SRSF4: variants seen among roughly 807,000 people sequenced by gnomAD.
SRSF4 encodes the protein serine and arginine rich splicing factor 4.
SRSF4 carries 12 observed loss-of-function variants against 48.8 expected under a neutral mutation model. The observed-to-expected ratio is 0.25, with a 90% CI of 0.16 to 0.40. SRSF4 has a LOEUF of 0.40. SRSF4 is among the 10% of genes least tolerant of loss of function. The probability of loss-of-function intolerance (pLI) is 1.00; values close to 1 mark genes in which losing one functional copy is unlikely to be tolerated. For missense variants in SRSF4, 466 were observed against 667.1 expected, an observed-to-expected ratio of 0.70 and a Z score of 3.32; for synonymous variants, 248 against 232.5, an observed-to-expected ratio of 1.07 and a Z score of -0.61.
At chr1:29,181,011 G>T (rs975267613) in intron 1 of SRSF4, among the ~76,000 whole-genome samples, 3 of 152,220 alleles carry the variant, frequency 2.0e-5, no homozygotes, top group Non-Finnish European at 4.4e-5. Context: ...GAGTCTTAAA[G>T]ATAAGAAGTT....
intron 1 of SRSF4, chr1:29,169,611 A>G (rs1270173224): frequency 3.3e-5 from 5 of 152,242 alleles, no homozygotes; most frequent in East Asian, 1.9e-4. Flanking sequence ...TAAGAAACTT[A>G]TATCTCAGCA....
chr1:29,155,956 G>A (rs1672492957), intron 3 of SRSF4, among the ~76,000 whole-genome samples: 1 of 152,230 alleles, frequency 6.6e-6, no homozygotes, highest in Non-Finnish European at 1.5e-5. Context: ...AATAAGAGGA[G>A]ATATGATTAG....
intron 1 of SRSF4, among the ~76,000 whole-genome samples, chr1:29,177,720 A>C (rs1672891266): frequency 6.6e-6 from 1 of 152,148 alleles, no homozygotes; most frequent in Non-Finnish European, 1.5e-5. Context: ...TCTCTAGAAC[A>C]GTGGCAATCT....
rs3061128 is a variant in SRSF4 at position 29,178,353 on chromosome 1, C to CTTTTTTT, written c.107+3286_107+3292dup. ...AAAATCTGTTTCTGAGTTTCAATTA[C>CTTTTTTT]TTTTTTTTTTGAGACAGAGTCTCGC... On this transcript the variant is annotated intron_variant, in intron 1 of 5. Transcript: ENST00000373795. 1.3e-4 allele frequency among the ~76,000 whole-genome samples: 16 copies of CTTTTTTT among 127,906 alleles called. No homozygotes were observed. The South Asian group carries it at 2.5e-3, about 20-fold the overall frequency. 83.9% of individuals were successfully genotyped at this position (127,906 alleles called of 152,430 possible).
intron 1 of SRSF4, among the ~76,000 whole-genome samples, chr1:29,181,270 G>C (rs1363934568): frequency 2.6e-5 from 4 of 152,212 alleles, no homozygotes; most frequent in Non-Finnish European, 5.9e-5. Context: ...GTAGTCCTCA[G>C]AGCGGGAAAG....
chr1:29,164,320 T>C (rs1307418476), intron 1 of SRSF4, among the ~76,000 whole-genome samples: 1 of 152,248 alleles, frequency 6.6e-6, no homozygotes, highest in Non-Finnish European at 1.5e-5. Context: ...AATTAATTAG[T>C]GCCTTCAACA....
At position 29,148,240 on chromosome 1, in the gene SRSF4, T is replaced by G; in HGVS notation, c.*170A>C. On this transcript the variant is annotated 3_prime_UTR_variant, in exon 6 of 6. Transcript: ENST00000373795. ...TTTTCAGTCGAGCAGGAAGGCCTGG[T>G]GCCAGGAGGCTTTACTGAGAGGAAG... The G allele has an allele frequency of 4.1e-6, 4 of 976,648 alleles. No homozygotes were observed. The highest frequency in any genetic ancestry group is 6.3e-6 in the Non-Finnish European group (4 of 633,406). The allele number at this position is 976,648 out of a possible 1,614,324, so 60.5% of individuals were successfully genotyped here.
chr1:29,154,131 G>A (rs1035519475), intron 4 of SRSF4, among the ~76,000 whole-genome samples: 2 of 151,900 alleles, frequency 1.3e-5, no homozygotes, highest in Non-Finnish European at 2.9e-5. Flanking sequence ...TCGGCTCACT[G>A]CAACCTCTGC....
chr1:29,177,173 CAA>C (rs755966901), intron 1 of SRSF4, among the ~76,000 whole-genome samples: 4 of 151,490 alleles, frequency 2.6e-5, no homozygotes, highest in Non-Finnish European at 4.4e-5. Flanking sequence ...TCAAAGCCAA[CAA>C]AAGTTACCAC....
intron 4 of SRSF4, among the ~76,000 whole-genome samples, chr1:29,151,681 G>A (rs771983292): frequency 4.6e-5 from 7 of 152,166 alleles, no homozygotes; most frequent in Admixed American, 6.5e-5. Flanking sequence ...ACATGAATAT[G>A]GCCTGGGCAT....
At chr1:29,159,649 C>A in intron 2 of SRSF4, 163 bp from the exon 3 acceptor site, 2 of 445,598 alleles carry the variant, frequency 4.5e-6, no homozygotes, top group Non-Finnish European at 7.9e-6. Context: ...TTTAAAGAAG[C>A]AATCAGCTAA....
intron 1 of SRSF4, among the ~76,000 whole-genome samples, chr1:29,164,858 T>C (rs957993009): frequency 1.3e-5 from 2 of 152,224 alleles, no homozygotes; most frequent in Non-Finnish European, 2.9e-5. Context: ...AAGAAACTCC[T>C]TTCTTTAATG....
intron 2 of SRSF4, 173 bp downstream of exon 2, chr1:29,160,202 A>T: frequency 2.8e-6 from 2 of 702,498 alleles, no homozygotes; most frequent in Non-Finnish European, 2.2e-6. Flanking sequence ...GTTTAATTAA[A>T]ATTAAACATT....
Position 29,176,489 on chromosome 1 carries a change from T to TA in SRSF4, c.107+5156dup, listed in dbSNP as rs63562760. On this transcript the variant is annotated intron_variant, in intron 1 of 5. Transcript: ENST00000373795. ...TGGGAGAATTAAAAACTAAAAACTT[T>TA]AAAAAAAAAAAAAAGAAAAAAATAC... 6.5e-3 allele frequency among the ~76,000 whole-genome samples: 898 copies of TA among 137,582 alleles called. 5 individuals are homozygous for TA. Among genetic ancestry groups the TA allele is most frequent in the Middle Eastern group, 0.018 (5 of 278 alleles). 90.3% of individuals were successfully genotyped at this position (137,582 alleles called of 152,430 possible).
At chr1:29,162,696 C>T (rs988051100) in intron 1 of SRSF4, among the ~76,000 whole-genome samples, 1 of 152,178 alleles carries the variant, frequency 6.6e-6, no homozygotes, top group South Asian at 2.1e-4. Flanking sequence ...TACTCTGGCT[C>T]GGCACTGTTC....
intron 1 of SRSF4, chr1:29,170,928 G>C (rs1401711108): frequency 6.6e-5 from 10 of 152,138 alleles, no homozygotes; most frequent in Non-Finnish European, 1.2e-4. Flanking sequence ...CGCTTCTTCA[G>C]ACATTGCGTG....
rs1672409627 is a variant in SRSF4, at chr1:29,151,673, A to G, written c.579-1481T>C. ...ACATCCATGGAGTAACTGGGGAAAC[A>G]TGAATATGGCCTGGGCATTTAGTAA... On this transcript the variant is annotated intron_variant, in intron 4 of 5. Transcript: ENST00000373795. Among the ~76,000 whole-genome samples, 3 of 152,232 alleles carry G rather than the reference A, an allele frequency of 2.0e-5. No homozygotes were observed. In the South Asian group the frequency reaches 6.2e-4, roughly 31 times the overall value.
intron 4 of SRSF4, among the ~76,000 whole-genome samples, chr1:29,151,541 A>G (rs778679713): frequency 2.6e-5 from 4 of 152,150 alleles, no homozygotes; most frequent in Non-Finnish European, 5.9e-5. Flanking sequence ...AATGTCATGA[A>G]GGAACTGCTC....
intron 5 of SRSF4, among the ~76,000 whole-genome samples, chr1:29,149,666 G>A (rs1229331047): frequency 7.1e-6 from 1 of 140,972 alleles, no homozygotes; most frequent in East Asian, 2.0e-4. Flanking sequence ...GGGCGACAGA[G>A]CGAGACTCTG....
Sources: gnomAD v4.1 joint callset for allele counts (sites outside exome capture counted in the v4.1 genomes callset) on GRCh38, gnomAD v4.1.1 for gene constraint, MANE v1.5 for transcripts, NCBI Gene and HGNC (gene_info 2026-07-23, HGNC 2026-07-21) for gene names.